Variants in FAM91A1 observed in about 807,000 individuals in gnomAD.
FAM91A1 encodes the protein protein FAM91A1.
FAM91A1 carries 41 observed loss-of-function variants against 113.5 expected under a neutral mutation model. The observed-to-expected ratio is 0.36, with a 90% CI of 0.28 to 0.47. FAM91A1 has a LOEUF of 0.47. Among genes scored for constraint, FAM91A1 ranks in the 20% least tolerant of loss-of-function variants. The pLI is 1.00. For missense variants in FAM91A1, 696 were observed against 1,001.2 expected (o/e 0.70, Z 4.11); for synonymous variants, 307 against 347.9 (o/e 0.88, Z 1.31).
intron 15 of FAM91A1, among the ~76,000 whole-genome samples, chr8:123,795,599 A>G (rs569706658): frequency 6.6e-6 from 1 of 152,338 alleles, no homozygotes; most frequent in Non-Finnish European, 1.5e-5. Context: ...ACCATGAGCC[A>G]ATTAAACCTG....
intron 15 of FAM91A1, among the ~76,000 whole-genome samples, chr8:123,794,519 T>C (rs1466581366): frequency 6.6e-6 from 1 of 152,252 alleles, no homozygotes; most frequent in Non-Finnish European, 1.5e-5. Flanking sequence ...CATATGGTAC[T>C]ACTGTAATAA....
At chr8:123,800,444 C>T (rs1295135508) in intron 18 of FAM91A1, among the ~76,000 whole-genome samples, 1 of 151,994 alleles carries the variant, frequency 6.6e-6, no homozygotes, top group Non-Finnish European at 1.5e-5. Flanking sequence ...CCTTGGTTGA[C>T]CACAGATGAT....
intron 8 of FAM91A1, 44 bp from the exon 9 acceptor site, chr8:123,784,426 A>G (rs748388215): frequency 2.6e-5 from 37 of 1,416,526 alleles, no homozygotes; most frequent in Middle Eastern, 1.8e-4. Context: ...TTCTTGTTTT[A>G]TAAAATCTGT....
Position 123,799,889 on chromosome 8 carries a change from C to T in FAM91A1, c.1809+4C>T, listed in dbSNP as rs1305850066. ...ACATTCTGCAGTTTTAATTCAGGTA[C>T]ATTTATCTTATTTGAAATTTTGTCT... On this transcript the variant is annotated splice_donor_region_variant and intron_variant, in intron 18 of 23. Transcript: ENST00000334705. 1.8e-5 allele frequency: 28 copies of T among 1,558,414 alleles called. No homozygotes were observed. The highest frequency in any genetic ancestry group is 2.4e-5 in the Non-Finnish European group (28 of 1,147,672).
intron 15 of FAM91A1, 96 bp from the exon 16 acceptor site, chr8:123,797,994 T>G: frequency 7.2e-7 from 1 of 1,388,018 alleles, no homozygotes; most frequent in Non-Finnish European, 9.7e-7. Context: ...AAAAGAAAAT[T>G]TAAAATCTTA....
At chr8:123,801,877 G>T (rs571462116) in intron 18 of FAM91A1, among the ~76,000 whole-genome samples, 1 of 151,942 alleles carries the variant, frequency 6.6e-6, no homozygotes, top group South Asian at 2.1e-4. Flanking sequence ...TAGTTGTCCA[G>T]TTAGTGTTTG....
intron 20 of FAM91A1, 87 bp from the exon 21 acceptor site, chr8:123,808,180 TGTCTG>T: frequency 1.0e-6 from 1 of 984,098 alleles, no homozygotes. Context: ...TCATTACTAT[TGTCTG>T]AAGTCTTTTC....
Position 123,797,655 on chromosome 8 carries a change from A to T in FAM91A1, c.1412-435A>T, listed in dbSNP as rs576998301. 3.3e-5 allele frequency among the ~76,000 whole-genome samples: 5 copies of T among 152,320 alleles called. No homozygotes were observed. The East Asian group carries it at 9.7e-4, about 29-fold the overall frequency. The stretch of plus-strand genomic sequence containing the variant: ...TATAAAATATGTATTAACTGTTCGT[A>T]TTATTGGTAAGGCTTCGAGTCAGCA... On this transcript the variant is annotated intron_variant, in intron 15 of 23. Transcript: ENST00000334705.
At chr8:123,778,795 CA>C in intron 6 of FAM91A1, 23 bp downstream of exon 6, 2 of 1,363,090 alleles carry the variant, frequency 1.5e-6, no homozygotes, top group Non-Finnish European at 1.9e-6. Flanking sequence ...AAAAGTTAAA[CA>C]TAGAATTTTT....
At position 123,787,996 on chromosome 8, in the gene FAM91A1, A is replaced by G. The variant is rs960158714; in HGVS notation, c.1278+246A>G. ...TCTAATTCTTAACATAATTTGAGAT[A>G]ATGAAGAAATGGGGTATAGAAATTT... On this transcript the variant is annotated intron_variant, in intron 14 of 23. Coordinates refer to ENST00000334705, the MANE Select transcript of FAM91A1 (RefSeq NM_144963.4). 5.9e-5 allele frequency among the ~76,000 whole-genome samples: 9 copies of G among 152,356 alleles called. No homozygotes were observed. In the South Asian group the frequency reaches 1.4e-3, roughly 25 times the overall value.
At chr8:123,786,917 G>T (rs1297027057) in intron 12 of FAM91A1, among the ~76,000 whole-genome samples, 1 of 152,180 alleles carries the variant, frequency 6.6e-6, no homozygotes, top group African/African-American at 2.4e-5. Flanking sequence ...TAATTGGCTA[G>T]AGAGGTTTGG....
At chr8:123,794,756 G>A (rs1018534476) in intron 15 of FAM91A1, among the ~76,000 whole-genome samples, 18 of 152,208 alleles carry the variant, frequency 1.2e-4, no homozygotes, top group African/African-American at 4.3e-4. Context: ...CATACAGAGA[G>A]CCACTAGTGA....
chr8:123,789,360 A>G (rs1178127539), intron 14 of FAM91A1, among the ~76,000 whole-genome samples: 1 of 152,204 alleles, frequency 6.6e-6, no homozygotes, highest in Non-Finnish European at 1.5e-5. Flanking sequence ...AACATGTAAC[A>G]TATAATGCTA....
intron 21 of FAM91A1, 173 bp from the exon 22 acceptor site, chr8:123,808,720 G>C (rs1472146227): frequency 5.2e-6 from 3 of 580,530 alleles, no homozygotes; most frequent in Non-Finnish European, 8.6e-6. Flanking sequence ...ATCCTGTTTA[G>C]AGATTAACTG....
At chr8:123,781,312 C>G (rs1815114234) in intron 8 of FAM91A1, among the ~76,000 whole-genome samples, 1 of 151,934 alleles carries the variant, frequency 6.6e-6, no homozygotes, top group African/African-American at 2.4e-5. Context: ...GAGAATGACC[C>G]TAATATTAAC....
intron 15 of FAM91A1, among the ~76,000 whole-genome samples, chr8:123,790,479 A>T (rs1357575882): frequency 6.6e-6 from 1 of 152,262 alleles, no homozygotes; most frequent in Non-Finnish European, 1.5e-5. Context: ...TCAAGTTCTT[A>T]GACATTCACA....
At chr8:123,797,339 C>T (rs907969103) in intron 15 of FAM91A1, among the ~76,000 whole-genome samples, 2 of 152,108 alleles carry the variant, frequency 1.3e-5, no homozygotes, top group Non-Finnish European at 1.5e-5. Context: ...TTTTTAGATA[C>T]ATTAAGAAAC....
intron 11 of FAM91A1, 140 bp from the exon 12 acceptor site, chr8:123,786,355 G>T: frequency 1.6e-6 from 1 of 633,880 alleles, no homozygotes; most frequent in Non-Finnish European, 2.8e-6. Context: ...AGCATTTTTG[G>T]GCTGCGACTT....
At chr8:123,775,084 C>T in intron 2 of FAM91A1, 63 bp from the exon 3 acceptor site, 2 of 1,402,426 alleles carry the variant, frequency 1.4e-6, no homozygotes, top group Non-Finnish European at 1.9e-6. Context: ...GTAAAGTGTT[C>T]ATAGTTAATA....
Sources: allele counts gnomAD v4.1 joint callset (sites outside exome capture counted in the v4.1 genomes callset), GRCh38; gene constraint gnomAD v4.1.1; transcripts MANE v1.5; gene names NCBI Gene and HGNC (gene_info 2026-07-23, HGNC 2026-07-21).